Variants in EYA4 observed in about 807,000 individuals in gnomAD.
EYA4 encodes protein phosphatase EYA4.
A neutral mutation model predicts 87.9 loss-of-function variants in EYA4; 31 were observed. That is an observed-to-expected ratio of 0.35 (90% CI 0.27 to 0.48). The LOEUF (loss-of-function observed/expected upper bound fraction) is 0.48. Among genes scored for constraint, EYA4 ranks in the 20% least tolerant of loss-of-function variants. The probability of loss-of-function intolerance (pLI) is 0.99; values close to 1 mark genes in which losing one functional copy is unlikely to be tolerated. For missense variants in EYA4, 678 were observed against 761.4 expected (o/e 0.89, Z 1.29); for synonymous variants, 263 against 270.6 (o/e 0.97, Z 0.28).
chr6:133,273,912 T>C (rs1236403051), intron 1 of EYA4, among the ~76,000 whole-genome samples: 1 of 152,106 alleles, frequency 6.6e-6, no homozygotes, highest in Non-Finnish European at 1.5e-5. Context: ...TGTGTGGGTG[T>C]GTGTGTGTGC....
intron 2 of EYA4, among the ~76,000 whole-genome samples, chr6:133,319,722 C>CT (rs58829338): frequency 0.35 from 50,820 of 143,188 alleles, 9,087 homozygotes; most frequent in Middle Eastern, 0.48. Context: ...TTCTTTTCTT[C>CT]TTTTTTTTTT....
intron 3 of EYA4, among the ~76,000 whole-genome samples, chr6:133,422,611 G>A (rs899287921): frequency 6.6e-6 from 1 of 152,056 alleles, no homozygotes; most frequent in Non-Finnish European, 1.5e-5. Flanking sequence ...AGGAATTTGG[G>A]GACTTAGTGC....
At position 133,420,775 on chromosome 6, in the gene EYA4, A is replaced by G. The variant is rs186984377; in HGVS notation, c.84-25855A>G. ...AATGCTAACTCCATGGCATAACTGC[A>G]TTTGCTACATGCAGACAGATAGAGT... is the stretch of plus-strand genomic sequence containing the variant. On this transcript the variant is annotated intron_variant, in intron 3 of 19. Coordinates refer to ENST00000355286, the MANE Select transcript of EYA4 (RefSeq NM_004100.5). 2.1e-3 allele frequency among the ~76,000 whole-genome samples: 326 copies of G among 152,322 alleles called. 2 individuals carry two copies. The highest frequency in any genetic ancestry group is 6.8e-3 in the Middle Eastern group (2 of 294).
chr6:133,432,158 C>T (rs1248778530), intron 3 of EYA4, among the ~76,000 whole-genome samples: 1 of 152,142 alleles, frequency 6.6e-6, no homozygotes. Flanking sequence ...GTCATCCCTC[C>T]TGCCTGCTCT....
intron 2 of EYA4, among the ~76,000 whole-genome samples, chr6:133,374,559 T>C (rs1785524667): frequency 6.6e-6 from 1 of 152,070 alleles, no homozygotes; most frequent in Non-Finnish European, 1.5e-5. Flanking sequence ...ATCTTTGATG[T>C]GTAGCAGTTA....
chr6:133,375,127 T>C (rs1468258112), intron 2 of EYA4, among the ~76,000 whole-genome samples: 3 of 152,010 alleles, frequency 2.0e-5, no homozygotes, highest in African/African-American at 4.8e-5. Context: ...TATTGAGAAG[T>C]GTTGACACAT....
chr6:133,254,275 A>G (rs1775160855), intron 1 of EYA4, among the ~76,000 whole-genome samples: 2 of 152,082 alleles, frequency 1.3e-5, no homozygotes, highest in Non-Finnish European at 2.9e-5. Context: ...ATTTCATGTT[A>G]TTTTGAAGAA....
chr6:133,476,616 G>A (rs1338097304), intron 11 of EYA4, among the ~76,000 whole-genome samples: 1 of 152,036 alleles, frequency 6.6e-6, no homozygotes, highest in Non-Finnish European at 1.5e-5. Context: ...ATTCCATAAT[G>A]TACATATACC....
At chr6:133,445,829 C>T (rs1318833494) in intron 3 of EYA4, among the ~76,000 whole-genome samples, 1 of 152,192 alleles carries the variant, frequency 6.6e-6, no homozygotes, top group Non-Finnish European at 1.5e-5. Context: ...ATCCACTCGC[C>T]TCGGCCTCCC....
At chr6:133,415,540 A>G (rs576781970) in intron 3 of EYA4, among the ~76,000 whole-genome samples, 1 of 152,144 alleles carries the variant, frequency 6.6e-6, no homozygotes, top group Non-Finnish European at 1.5e-5. Flanking sequence ...TGGTATCTGC[A>G]TGAATGAGGA....
chr6:133,380,872 CTCCTCT>C (rs1047291861), intron 2 of EYA4, among the ~76,000 whole-genome samples: 3 of 148,476 alleles, frequency 2.0e-5, no homozygotes, highest in African/African-American at 7.5e-5. Context: ...CCTCCTCCTC[CTCCTCT>C]TCTTCTTCTT....
At position 133,264,260 on chromosome 6, in the gene EYA4, AG is replaced by A. The variant is rs766752467; in HGVS notation, c.-65-10452del. 3.7e-4 allele frequency among the ~76,000 whole-genome samples: 57 copies of A among 152,332 alleles called. 1 individual carries two copies. Among genetic ancestry groups the A allele is most frequent in the South Asian group, 3.3e-3 (16 of 4,828 alleles). On this transcript the variant is annotated intron_variant, in intron 1 of 19. Coordinates refer to ENST00000355286, the MANE Select transcript of EYA4 (RefSeq NM_004100.5). The stretch of plus-strand genomic sequence containing the variant: ...AAAAAACACCCCTGGAGCCCCTTCA[AG>A]GGGCCTTTTGGCAGAGCGGTACTAC...
chr6:133,390,826 A>G (rs1787200315), intron 3 of EYA4, among the ~76,000 whole-genome samples: 1 of 152,230 alleles, frequency 6.6e-6, no homozygotes, highest in Non-Finnish European at 1.5e-5. Context: ...ATAGAGGAGA[A>G]TAAGAGCACC....
chr6:133,380,557 C>A (rs532783015), intron 2 of EYA4, among the ~76,000 whole-genome samples: 2 of 152,228 alleles, frequency 1.3e-5, no homozygotes, highest in South Asian at 4.1e-4. Context: ...AAGGTCCAGT[C>A]ATCATGGTCT....
rs1015213186 is a variant in EYA4 at position 133,531,247 on chromosome 6, G to A, written c.*2442G>A. On this transcript the variant is annotated 3_prime_UTR_variant, in exon 20 of 20. Coordinates refer to ENST00000355286, the MANE Select transcript of EYA4 (RefSeq NM_004100.5). ...CATAAAACCTAAATGCAAGGTTGACGGAGAACAGCTTGTCTGGCACAACAA... is the reference window on the plus strand; with the variant it reads ...CATAAAACCTAAATGCAAGGTTGACAGAGAACAGCTTGTCTGGCACAACAA... The A allele has an allele frequency of 1.6e-5, 25 of 1,515,222 alleles. No homozygotes were observed. The highest frequency in any genetic ancestry group is 8.3e-5 in the African/African-American group (6 of 72,594). The allele number at this position is 1,515,222 out of a possible 1,614,324, so 93.9% of individuals were successfully genotyped here.
At chr6:133,351,366 T>C (rs941781711) in intron 2 of EYA4, among the ~76,000 whole-genome samples, 8 of 152,216 alleles carry the variant, frequency 5.3e-5, no homozygotes, top group Non-Finnish European at 8.8e-5. Flanking sequence ...TTGCACAGTC[T>C]TGTTGTGTTT....
At chr6:133,415,824 T>C (rs994289643) in intron 3 of EYA4, among the ~76,000 whole-genome samples, 2 of 152,080 alleles carry the variant, frequency 1.3e-5, no homozygotes, top group Admixed American at 6.6e-5. Context: ...CTCAAAAAAC[T>C]CATAGTCTAA....
rs529040477 is a variant in EYA4 at position 133,290,288 on chromosome 6, A to G, written c.33+15475A>G. Among the ~76,000 whole-genome samples, 29 of 152,292 alleles carry G rather than the reference A, an allele frequency of 1.9e-4. 2 individuals carry two copies. In the South Asian group the frequency reaches 6.0e-3, roughly 32 times the overall value. On this transcript the variant is annotated intron_variant, in intron 2 of 19. Coordinates refer to ENST00000355286, the MANE Select transcript of EYA4 (RefSeq NM_004100.5). ...ATTGTAACTGCTGGACAGATTTGTT[A>G]GAAAAATACCTTATTTATTTTTCAG...
intron 2 of EYA4, among the ~76,000 whole-genome samples, chr6:133,343,078 A>G (rs140672057): frequency 1.6e-4 from 24 of 152,180 alleles, no homozygotes; most frequent in African/African-American, 5.3e-4. Context: ...GAAGGTGGCA[A>G]CCATTTCTTT....
Sources: allele counts gnomAD v4.1 joint callset (sites outside exome capture counted in the v4.1 genomes callset), GRCh38; gene constraint gnomAD v4.1.1; transcripts MANE v1.5; gene names NCBI Gene and HGNC (gene_info 2026-07-23, HGNC 2026-07-21).